Variants in NTRK3 observed in about 807,000 individuals in gnomAD.
NTRK3 encodes NT-3 growth factor receptor.
Under a neutral mutation model 91.7 loss-of-function variants are expected in NTRK3, and 24 were observed. That is an observed-to-expected ratio of 0.26 (90% CI 0.19 to 0.37). NTRK3 has a LOEUF of 0.37. NTRK3 is among the 10% of genes least tolerant of loss of function. NTRK3 has a pLI of 1.00. For synonymous variants in NTRK3, 483 were observed against 404.0 expected (o/e 1.20, Z -2.34); for missense variants, 880 against 1,068.9 (o/e 0.82, Z 2.46).
intron 5 of NTRK3, among the ~76,000 whole-genome samples, chr15:88,178,630 A>G (rs766173696): frequency 2.0e-5 from 3 of 152,220 alleles, no homozygotes; most frequent in Non-Finnish European, 2.9e-5. Context: ...TCCCACCACA[A>G]TCAACTCTAG....
At chr15:87,940,020 C>T (rs1450387462) in intron 15 of NTRK3, among the ~76,000 whole-genome samples, 2 of 152,152 alleles carry the variant, frequency 1.3e-5, no homozygotes, top group African/African-American at 4.8e-5. Flanking sequence ...TCAGCAGCTG[C>T]CAGGAGGAAG....
chr15:88,116,676 C>A (rs1298870015), intron 13 of NTRK3, among the ~76,000 whole-genome samples: 1 of 152,198 alleles, frequency 6.6e-6, no homozygotes, highest in African/African-American at 2.4e-5. Context: ...TGTTGACTCG[C>A]AGCCTTCCCC....
chr15:88,166,759 T>C (rs1047301526), intron 5 of NTRK3, among the ~76,000 whole-genome samples: 5 of 152,180 alleles, frequency 3.3e-5, no homozygotes, highest in African/African-American at 1.2e-4. Context: ...TTTATAGATA[T>C]GAATAAATCT....
chr15:88,045,811 G>A (rs570721079), intron 13 of NTRK3, among the ~76,000 whole-genome samples: 6 of 152,310 alleles, frequency 3.9e-5, no homozygotes, highest in African/African-American at 9.6e-5. Context: ...TCCGCTCATC[G>A]CATGGCATCT....
intron 14 of NTRK3, among the ~76,000 whole-genome samples, chr15:87,966,414 C>T (rs2072799198): frequency 6.6e-6 from 1 of 152,212 alleles, no homozygotes; most frequent in South Asian, 2.1e-4. Context: ...AGTGGAGACA[C>T]ATGGTGCTAA....
chr15:88,161,760 C>G (rs1194360513), intron 5 of NTRK3, among the ~76,000 whole-genome samples: 2 of 152,152 alleles, frequency 1.3e-5, no homozygotes, highest in Admixed American at 6.5e-5. Context: ...GAGCCCCTCT[C>G]CAGGAGGGAT....
At chr15:88,222,398 A>G (rs766538129) in intron 3 of NTRK3, among the ~76,000 whole-genome samples, 1 of 152,234 alleles carries the variant, frequency 6.6e-6, no homozygotes, top group Non-Finnish European at 1.5e-5. Flanking sequence ...AAGCAGCTCT[A>G]GTGTTCAAAT....
chr15:87,962,340 A>G (rs928934592), intron 14 of NTRK3, among the ~76,000 whole-genome samples: 1 of 152,168 alleles, frequency 6.6e-6, no homozygotes, highest in African/African-American at 2.4e-5. Flanking sequence ...GGAAGAGGAT[A>G]TATTTCTCCT....
At chr15:88,064,383 C>CA (rs2046469565) in intron 13 of NTRK3, among the ~76,000 whole-genome samples, 1 of 152,220 alleles carries the variant, frequency 6.6e-6, no homozygotes. Flanking sequence ...GCTCGTCCTT[C>CA]AAGGCCACAC....
intron 14 of NTRK3, among the ~76,000 whole-genome samples, chr15:87,997,193 G>T (rs1004920187): frequency 1.3e-5 from 2 of 152,198 alleles, no homozygotes; most frequent in African/African-American, 4.8e-5. Context: ...AGACCCAAGG[G>T]ATTATAGATA....
intron 3 of NTRK3, among the ~76,000 whole-genome samples, chr15:88,216,871 T>A (rs1375605919): frequency 6.6e-6 from 1 of 152,186 alleles, no homozygotes; most frequent in Non-Finnish European, 1.5e-5. Context: ...AGGCCCTACT[T>A]GTCTTAATCT....
At chr15:88,178,194 G>A (rs902477850) in intron 5 of NTRK3, among the ~76,000 whole-genome samples, 1 of 152,152 alleles carries the variant, frequency 6.6e-6, no homozygotes, top group African/African-American at 2.4e-5. Flanking sequence ...AAGGGGGAAG[G>A]CAGAAAAGCA....
chr15:88,032,060 T>C (rs2078586735), intron 14 of NTRK3, among the ~76,000 whole-genome samples: 1 of 152,130 alleles, frequency 6.6e-6, no homozygotes, highest in Admixed American at 6.5e-5. Flanking sequence ...GTGCTCTCTC[T>C]TGATGCAGTG....
chr15:87,945,622 A>C (rs1273402897), intron 14 of NTRK3, among the ~76,000 whole-genome samples: 1 of 150,468 alleles, frequency 6.6e-6, no homozygotes, highest in Non-Finnish European at 1.5e-5. Flanking sequence ...AGGTATACAC[A>C]GAGCCGCTGG....
At chr15:87,934,595 G>T (rs1218991478) in intron 15 of NTRK3, among the ~76,000 whole-genome samples, 4 of 152,018 alleles carry the variant, frequency 2.6e-5, no homozygotes, top group African/African-American at 7.2e-5. Context: ...TATCTGGGGG[G>T]GTCCATCAAA....
At chr15:88,091,526 C>T (rs781550552) in intron 13 of NTRK3, among the ~76,000 whole-genome samples, 1 of 152,212 alleles carries the variant, frequency 6.6e-6, no homozygotes, top group African/African-American at 2.4e-5. Context: ...TCAAGCCTAA[C>T]AGTGCCATGA....
intron 13 of NTRK3, among the ~76,000 whole-genome samples, chr15:88,036,869 C>T (rs1018862508): frequency 9.2e-5 from 14 of 152,252 alleles, no homozygotes; most frequent in East Asian, 5.8e-4. Context: ...AGGAAGGACA[C>T]GGAAGAGGGA....
intron 3 of NTRK3, among the ~76,000 whole-genome samples, chr15:88,200,651 C>T (rs2048226032): frequency 6.6e-6 from 1 of 152,128 alleles, no homozygotes; most frequent in Non-Finnish European, 1.5e-5. Flanking sequence ...TTTTTGCTTC[C>T]CCTTCTGCCA....
chr15:88,060,057 G>A (rs1025388493), intron 13 of NTRK3, among the ~76,000 whole-genome samples: 2 of 152,256 alleles, frequency 1.3e-5, no homozygotes, highest in South Asian at 2.1e-4. Flanking sequence ...GCCTCCTCAC[G>A]GAGGTGACAT....
Sources: gnomAD v4.1 joint callset for allele counts (sites outside exome capture counted in the v4.1 genomes callset) on GRCh38, gnomAD v4.1.1 for gene constraint, MANE v1.5 for transcripts, NCBI Gene and HGNC (gene_info 2026-07-23, HGNC 2026-07-21) for gene names.